The following PLCB1 variants were observed in gnomAD, a reference collection of about 807,000 sequenced individuals.
PLCB1 encodes the protein phospholipase C beta 1.
Under a neutral mutation model 161.8 loss-of-function variants are expected in PLCB1, and 46 were observed. The observed-to-expected ratio is 0.28, with a 90% CI of 0.22 to 0.36. The LOEUF (loss-of-function observed/expected upper bound fraction) is 0.36, where lower values mean the gene tolerates loss of function less well. Among genes scored for constraint, PLCB1 ranks in the 10% least tolerant of loss-of-function variants. The pLI, the probability that PLCB1 is intolerant of heterozygous loss-of-function variation, is 1.00. For synonymous variants in PLCB1, 517 were observed against 503.7 expected, an observed-to-expected ratio of 1.03 and a Z score of -0.35; for missense variants, 1,016 against 1,472.5, an observed-to-expected ratio of 0.69 and a Z score of 5.07.
intron 2 of PLCB1, among the ~76,000 whole-genome samples, chr20:8,310,481 G>A (rs1241999270): frequency 6.6e-6 from 1 of 152,160 alleles, no homozygotes; most frequent in East Asian, 1.9e-4. Flanking sequence ...TTAATCTATG[G>A]TGAAAAAAGA....
intron 4 of PLCB1, among the ~76,000 whole-genome samples, chr20:8,629,653 A>G (rs1286478782): frequency 1.3e-5 from 2 of 152,188 alleles, no homozygotes; most frequent in African/African-American, 4.8e-5. Flanking sequence ...AGAGCTTCTC[A>G]TGTCATGCAT....
chr20:8,813,404 T>G (rs1400597139), intron 31 of PLCB1, among the ~76,000 whole-genome samples: 1 of 152,214 alleles, frequency 6.6e-6, no homozygotes, highest in African/African-American at 2.4e-5. Context: ...AATGTCTGTT[T>G]CATACTTAAA....
At chr20:8,379,108 C>A (rs143276627) in intron 3 of PLCB1, among the ~76,000 whole-genome samples, 1 of 152,182 alleles carries the variant, frequency 6.6e-6, no homozygotes, top group African/African-American at 2.4e-5. Flanking sequence ...TCACCTCCCC[C>A]ACCCCCCAAC....
intron 3 of PLCB1, among the ~76,000 whole-genome samples, chr20:8,498,496 T>C (rs1209381488): frequency 6.6e-6 from 1 of 152,180 alleles, no homozygotes; most frequent in Admixed American, 6.5e-5. Context: ...TATGAACCCT[T>C]CTGAGAATTT....
At chr20:8,488,115 G>T (rs1347009973) in intron 3 of PLCB1, among the ~76,000 whole-genome samples, 1 of 152,184 alleles carries the variant, frequency 6.6e-6, no homozygotes, top group Non-Finnish European at 1.5e-5. Context: ...AATACATTTT[G>T]ATATGTTGTT....
intron 31 of PLCB1, among the ~76,000 whole-genome samples, chr20:8,811,597 A>G (rs1434928680): frequency 6.7e-6 from 1 of 149,882 alleles, no homozygotes. Flanking sequence ...TGGAGGAACA[A>G]TATGTTAATG....
intron 26 of PLCB1, 127 bp downstream of exon 26, chr20:8,765,485 A>C: frequency 1.5e-6 from 1 of 674,878 alleles, no homozygotes; most frequent in East Asian, 2.8e-5. Flanking sequence ...TCCGTTCTCC[A>C]TAGCTTTTGT....
chr20:8,243,292 A>G (rs1035780998), intron 2 of PLCB1, among the ~76,000 whole-genome samples: 11 of 152,030 alleles, frequency 7.2e-5, no homozygotes, highest in Non-Finnish European at 1.2e-4. Context: ...ATGATTCCCA[A>G]TGCTTGCCTT....
At chr20:8,312,416 A>C (rs1206484271) in intron 2 of PLCB1, among the ~76,000 whole-genome samples, 1 of 152,150 alleles carries the variant, frequency 6.6e-6, no homozygotes, top group African/African-American at 2.4e-5. Context: ...ATGGTGAAGA[A>C]TCTCAACAGA....
At chr20:8,297,474 A>G (rs969229959) in intron 2 of PLCB1, among the ~76,000 whole-genome samples, 1 of 152,206 alleles carries the variant, frequency 6.6e-6, no homozygotes, top group Admixed American at 6.5e-5. Context: ...AAAGTAGTAT[A>G]TGAAAAAGCC....
intron 2 of PLCB1, among the ~76,000 whole-genome samples, chr20:8,324,684 A>AT (rs1387108316): frequency 2.0e-5 from 3 of 151,980 alleles, no homozygotes; most frequent in African/African-American, 4.8e-5. Context: ...ATGTTCTCTC[A>AT]TTTTTTTTAA....
At chr20:8,226,526 T>A (rs1979693131) in intron 2 of PLCB1, among the ~76,000 whole-genome samples, 2 of 152,132 alleles carry the variant, frequency 1.3e-5, no homozygotes, top group Admixed American at 1.3e-4. Flanking sequence ...TGAAGAAGTT[T>A]CCAGGACCTC....
rs949505838 is a variant in PLCB1, at chr20:8,808,369, C to T, written c.3423+18108C>T. On this transcript the variant is annotated intron_variant, in intron 31 of 31. Transcript: ENST00000338037. ...TGCACATGCACAGAGAGAGAGAGAG[C>T]GCATGCACACGCTGGCACTTCTTCC... Among the ~76,000 whole-genome samples, 12 of 152,146 alleles carry T rather than the reference C, an allele frequency of 7.9e-5. 1 individual carries two copies. Among genetic ancestry groups the T allele is most frequent in the African/African-American group, 2.2e-4 (9 of 41,520 alleles).
chr20:8,666,441 C>T (rs1354954411), intron 9 of PLCB1, among the ~76,000 whole-genome samples: 2 of 152,176 alleles, frequency 1.3e-5, no homozygotes, highest in African/African-American at 2.4e-5. Context: ...TGGAAAGAGG[C>T]TGTGCCTCAT....
chr20:8,665,688 T>A (rs1450959968), intron 9 of PLCB1, among the ~76,000 whole-genome samples: 1 of 152,214 alleles, frequency 6.6e-6, no homozygotes, highest in Non-Finnish European at 1.5e-5. Context: ...TCACTTCAAT[T>A]TCCTAGTAAA....
intron 19 of PLCB1, among the ~76,000 whole-genome samples, chr20:8,733,716 C>T (rs953647500): frequency 6.7e-6 from 1 of 150,134 alleles, no homozygotes; most frequent in Non-Finnish European, 1.5e-5. Flanking sequence ...GTGCAGCACA[C>T]CAGCATGGCA....
At chr20:8,444,599 T>G (rs1980729065) in intron 3 of PLCB1, among the ~76,000 whole-genome samples, 2 of 152,240 alleles carry the variant, frequency 1.3e-5, no homozygotes, top group Non-Finnish European at 2.9e-5. Flanking sequence ...GTATTTCTAG[T>G]TCTAGATCCT....
At chr20:8,203,097 G>A (rs75767678) in intron 2 of PLCB1, among the ~76,000 whole-genome samples, 20 of 150,258 alleles carry the variant, frequency 1.3e-4, no homozygotes, top group South Asian at 8.4e-4. Context: ...ACACACACGC[G>A]CACACACACA....
intron 25 of PLCB1, among the ~76,000 whole-genome samples, chr20:8,761,901 A>G (rs1982051830): frequency 6.7e-6 from 1 of 149,562 alleles, no homozygotes; most frequent in East Asian, 2.1e-4. Context: ...TCCCAACAAA[A>G]CATGTTTTTA....
Sources: allele counts gnomAD v4.1 joint callset (sites outside exome capture counted in the v4.1 genomes callset), GRCh38; gene constraint gnomAD v4.1.1; transcripts MANE v1.5; gene names NCBI Gene and HGNC (gene_info 2026-07-23, HGNC 2026-07-21).